KAZN: variants seen among roughly 807,000 people sequenced by gnomAD.
KAZN encodes the protein kazrin.
A neutral mutation model predicts 87.4 loss-of-function variants in KAZN; 40 were observed. The ratio of observed to expected loss-of-function variants is 0.46; its 90% CI spans 0.36 to 0.60. The LOEUF is 0.60. Among genes scored for constraint, KAZN ranks in the 20% least tolerant of loss-of-function variants. KAZN has a pLI of 0.00. For synonymous variants in KAZN, 466 were observed against 458.3 expected, an observed-to-expected ratio of 1.02 and a Z score of -0.22; for missense variants, 898 against 1,073.9, an observed-to-expected ratio of 0.84 and a Z score of 2.29.
chr1:14,802,022 C>G (rs1168504428), intron 1 of KAZN, among the ~76,000 whole-genome samples: 1 of 152,062 alleles, frequency 6.6e-6, no homozygotes, highest in South Asian at 2.1e-4. Flanking sequence ...AGAGAGCTGT[C>G]CTCTGAGCCC....
chr1:14,000,593 C>T (rs1342536201), intron 1 of KAZN, among the ~76,000 whole-genome samples: 2 of 152,088 alleles, frequency 1.3e-5, no homozygotes, highest in African/African-American at 4.8e-5. Flanking sequence ...CAATGAATAC[C>T]ATACTGAATG....
At chr1:14,139,594 A>T (rs1488327701) in intron 1 of KAZN, among the ~76,000 whole-genome samples, 1 of 152,110 alleles carries the variant, frequency 6.6e-6, no homozygotes, top group Admixed American at 6.5e-5. Context: ...CTGATATTTT[A>T]GTTATTTATA....
At chr1:14,641,002 C>A (rs2148675196) in intron 1 of KAZN, among the ~76,000 whole-genome samples, 1 of 152,298 alleles carries the variant, frequency 6.6e-6, no homozygotes, top group East Asian at 1.9e-4. Flanking sequence ...AAAATGACTG[C>A]TGGTAACCAT....
chr1:14,653,315 A>G (rs1638567421), intron 1 of KAZN, among the ~76,000 whole-genome samples: 1 of 152,196 alleles, frequency 6.6e-6, no homozygotes, highest in Non-Finnish European at 1.5e-5. Context: ...GGCAGAGGTA[A>G]TAAGCTCAGA....
At chr1:14,027,266 C>T (rs991925751) in intron 1 of KAZN, among the ~76,000 whole-genome samples, 2 of 152,116 alleles carry the variant, frequency 1.3e-5, no homozygotes, top group African/African-American at 4.8e-5. Flanking sequence ...GAATCCTTTG[C>T]CCACTGCTCC....
chr1:14,793,190 G>A (rs1352435560), intron 1 of KAZN, among the ~76,000 whole-genome samples: 3 of 152,274 alleles, frequency 2.0e-5, no homozygotes. Context: ...GGCAACTGCA[G>A]TGGCCTGGGC....
intron 8 of KAZN, among the ~76,000 whole-genome samples, chr1:15,069,019 C>T (rs1335195596): frequency 7.0e-6 from 1 of 142,096 alleles, no homozygotes; most frequent in African/African-American, 3.1e-5. Context: ...AGCCTGACCA[C>T]ACCTTAGGGA....
At chr1:14,529,071 A>G (rs1672068711) in intron 2 of KAZN, among the ~76,000 whole-genome samples, 1 of 152,142 alleles carries the variant, frequency 6.6e-6, no homozygotes, top group Admixed American at 6.5e-5. Context: ...TGGGAGGCCG[A>G]GGCGGGCAGA....
intron 1 of KAZN, among the ~76,000 whole-genome samples, chr1:14,954,580 T>A (rs965566496): frequency 1.8e-4 from 27 of 152,344 alleles, no homozygotes; most frequent in African/African-American, 6.5e-4. Context: ...CACTGTCCGG[T>A]ACCCTAGCTC....
At chr1:14,187,185 C>T (rs547788387) in intron 2 of KAZN, among the ~76,000 whole-genome samples, 1 of 152,130 alleles carries the variant, frequency 6.6e-6, no homozygotes. Context: ...TTCCTACTTG[C>T]AGATGGTGAC....
chr1:14,640,676 G>C (rs1182592227), intron 1 of KAZN, among the ~76,000 whole-genome samples: 2 of 152,176 alleles, frequency 1.3e-5, no homozygotes, highest in Non-Finnish European at 2.9e-5. Flanking sequence ...ATCCAAACTA[G>C]AAGGTGCAAC....
chr1:14,275,819 C>T (rs1425916452), intron 2 of KAZN, among the ~76,000 whole-genome samples: 2 of 152,080 alleles, frequency 1.3e-5, no homozygotes, highest in African/African-American at 2.4e-5. Context: ...GCTTTCCAGC[C>T]TTTTTTACAA....
chr1:14,357,710 T>C lies in KAZN; in HGVS notation c.249+177118T>C, dbSNP rs1039777168. ...TGGTTTTTGTCATTGGTTCTGTTTA[T>C]GTGACGGATTACATTTATTGATTTG... On this transcript the variant is annotated intron_variant, in intron 2 of 16. Transcript: ENST00000636203. 5.9e-5 allele frequency among the ~76,000 whole-genome samples: 9 copies of C among 152,356 alleles called. No individual in the cohort carries two copies. The South Asian group carries it at 1.9e-3, about 32-fold the overall frequency.
intron 2 of KAZN, among the ~76,000 whole-genome samples, chr1:14,541,018 GCA>G (rs1370688106): frequency 6.6e-6 from 1 of 152,166 alleles, no homozygotes; most frequent in African/African-American, 2.4e-5. Context: ...ACAAGAACTT[GCA>G]CAGTTTCTAA....
At chr1:14,320,228 A>T (rs1571297061) in intron 2 of KAZN, among the ~76,000 whole-genome samples, 1 of 152,156 alleles carries the variant, frequency 6.6e-6, no homozygotes, top group Non-Finnish European at 1.5e-5. Context: ...GCAATATGTG[A>T]TTACCGCACA....
At chr1:14,920,518 G>A (rs865896964) in intron 1 of KAZN, among the ~76,000 whole-genome samples, 5 of 151,958 alleles carry the variant, frequency 3.3e-5, no homozygotes, top group Admixed American at 6.6e-5. Context: ...GCTGCCCCAC[G>A]GAGGCTGGAC....
intron 2 of KAZN, among the ~76,000 whole-genome samples, chr1:14,294,047 A>G (rs1480455304): frequency 2.6e-5 from 4 of 152,172 alleles, no homozygotes; most frequent in African/African-American, 9.7e-5. Flanking sequence ...CTGATAAGGG[A>G]GTTTCTTACC....
In KAZN at chr1:14,871,943, T is replaced by C. The variant is rs1013468599; in HGVS notation, c.227-88741T>C. 1.2e-4 allele frequency among the ~76,000 whole-genome samples: 18 copies of C among 152,168 alleles called. No homozygotes were observed. In the South Asian group the frequency reaches 3.7e-3, roughly 32 times the overall value. On this transcript the variant is annotated intron_variant, in intron 1 of 14. Transcript: ENST00000376030. ...GAAATCAGGAGCTCAGTCTGGAGCA[T>C]GCTAGGCTGGAGATGTCTGTTAATC...
At chr1:14,762,277 C>T (rs12760629) in intron 1 of KAZN, among the ~76,000 whole-genome samples, 60,569 of 151,930 alleles carry the variant, frequency 0.4, 12,717 homozygotes, top group Non-Finnish European at 0.47. Flanking sequence ...GAATGTGAGC[C>T]GTATCCTGGC....
Sources: gnomAD v4.1 joint callset for allele counts (sites outside exome capture counted in the v4.1 genomes callset) on GRCh38, gnomAD v4.1.1 for gene constraint, MANE v1.5 for transcripts, NCBI Gene and HGNC (gene_info 2026-07-23, HGNC 2026-07-21) for gene names.